The following ESF1 variants were observed in gnomAD, a reference collection of about 807,000 sequenced individuals.
ESF1 encodes ESF1 homolog.
A neutral mutation model predicts 92.0 loss-of-function variants in ESF1; 58 were observed. The observed-to-expected ratio is 0.63, with a 90% CI of 0.51 to 0.78. The LOEUF (loss-of-function observed/expected upper bound fraction) is 0.78. Ranked by LOEUF, ESF1 falls within the 30% of genes least tolerant of loss-of-function variation. ESF1 has a pLI of 0.00. For synonymous variants in ESF1, 321 were observed against 313.7 expected, an observed-to-expected ratio of 1.02 and a Z score of -0.24; for missense variants, 922 against 989.1, an observed-to-expected ratio of 0.93 and a Z score of 0.91.
intron 9 of ESF1, among the ~76,000 whole-genome samples, chr20:13,755,987 G>C (rs1238974476): frequency 6.6e-6 from 1 of 152,034 alleles, no homozygotes; most frequent in South Asian, 2.1e-4. Flanking sequence ...TGAATGATAC[G>C]GTATAATCTC....
chr20:13,748,360 G>A (rs1223000911), intron 9 of ESF1, among the ~76,000 whole-genome samples: 2 of 150,534 alleles, frequency 1.3e-5, no homozygotes, highest in Admixed American at 6.6e-5. Flanking sequence ...TACAGCACAA[G>A]CATCCAATAA....
At chr20:13,735,271 C>T (rs757330955) in intron 9 of ESF1, among the ~76,000 whole-genome samples, 14 of 152,066 alleles carry the variant, frequency 9.2e-5, no homozygotes, top group Non-Finnish European at 1.3e-4. Flanking sequence ...AATTAATCTC[C>T]AAATTTCTAT....
intron 11 of ESF1, among the ~76,000 whole-genome samples, chr20:13,723,098 TC>T (rs2049878942): frequency 6.6e-6 from 1 of 152,220 alleles, no homozygotes; most frequent in African/African-American, 2.4e-5. Flanking sequence ...AAATTTCATT[TC>T]CCATTACTTA....
chr20:13,763,422 A>G (rs1361681611), intron 8 of ESF1, among the ~76,000 whole-genome samples: 1 of 152,240 alleles, frequency 6.6e-6, no homozygotes, highest in African/African-American at 2.4e-5. Context: ...ATGTCATTTT[A>G]AAATTTAGTT....
intron 2 of ESF1, among the ~76,000 whole-genome samples, chr20:13,782,157 C>G (rs541042036): frequency 6.6e-6 from 1 of 152,118 alleles, no homozygotes; most frequent in Non-Finnish European, 1.5e-5. Flanking sequence ...GGATTACAGG[C>G]GTGAGCCACC....
intron 8 of ESF1, among the ~76,000 whole-genome samples, chr20:13,763,504 CT>C (rs1264969574): frequency 5.9e-5 from 9 of 152,192 alleles, no homozygotes; most frequent in Non-Finnish European, 1.2e-4. Flanking sequence ...AAAAAGTTAT[CT>C]TTTTTCCTTT....
intron 6 of ESF1, 44 bp downstream of exon 6, chr20:13,771,287 T>G (rs764374825): frequency 1.6e-5 from 24 of 1,515,368 alleles, no homozygotes; most frequent in Non-Finnish European, 2.2e-5. Flanking sequence ...CTTATAATCA[T>G]GTTGTACTAA....
At chr20:13,769,617 CCCTAGTAAAAATACAAAAATTAG>C (rs1979588369) in intron 7 of ESF1, among the ~76,000 whole-genome samples, 1 of 152,120 alleles carries the variant, frequency 6.6e-6, no homozygotes, top group Non-Finnish European at 1.5e-5. Flanking sequence ...GAAACACTGT[CCCTAGTAAAAATACAAAAATTAG>C]CCAGGTGTAG....
At chr20:13,757,396 T>TTTTG (rs751908922) in intron 9 of ESF1, among the ~76,000 whole-genome samples, 106 of 151,980 alleles carry the variant, frequency 7.0e-4, no homozygotes, top group African/African-American at 1.1e-3. Flanking sequence ...CATTACTATG[T>TTTTG]TTTGTTTGTT....
chr20:13,731,886 T>C (rs2049945793), intron 10 of ESF1, among the ~76,000 whole-genome samples: 1 of 152,246 alleles, frequency 6.6e-6, no homozygotes, highest in South Asian at 2.1e-4. Flanking sequence ...TCTGGATAGC[T>C]GGACACATGG....
At chr20:13,748,517 CACAT>C (rs1331051461) in intron 9 of ESF1, among the ~76,000 whole-genome samples, 2 of 117,724 alleles carry the variant, frequency 1.7e-5, no homozygotes, top group Non-Finnish European at 1.8e-5. Context: ...CATATATATA[CACAT>C]ATATATATAC....
chr20:13,714,767 T>C lies in ESF1; in HGVS notation c.*107A>G. 4.8e-6 allele frequency: 5 copies of C among 1,051,036 alleles called. No individual in the cohort carries two copies. The African/African-American group carries it at 6.4e-5, about 13-fold the overall frequency. 65.1% of individuals were successfully genotyped at this position (1,051,036 alleles called of 1,614,324 possible). A position where few individuals can be genotyped will look rare whatever the true frequency, so the allele number is the denominator to read the frequency against. ...TTTTACTATGTCCAGAAAAAGATTT[T>C]ATTCATGTTCTTGAAAGATAGCTTT... On this transcript the variant is annotated 3_prime_UTR_variant, in exon 14 of 14. Coordinates refer to ENST00000617257, the MANE Select transcript of ESF1 (RefSeq NM_001276380.2).
intron 9 of ESF1, among the ~76,000 whole-genome samples, chr20:13,751,544 T>C (rs1978634033): frequency 1.3e-5 from 2 of 152,234 alleles, no homozygotes; most frequent in East Asian, 1.9e-4. Context: ...CTGATTTACA[T>C]ATTTTAACTG....
chr20:13,771,912 CTT>C (rs5840576), intron 5 of ESF1, among the ~76,000 whole-genome samples: 8,258 of 128,754 alleles, frequency 0.064, 309 homozygotes, highest in South Asian at 0.19. Context: ...ACAACACATT[CTT>C]TTTTTTTTTT....
chr20:13,740,939 G>C (rs1568715079), intron 9 of ESF1, among the ~76,000 whole-genome samples: 1 of 152,094 alleles, frequency 6.6e-6, no homozygotes, highest in Non-Finnish European at 1.5e-5. Context: ...ACGGGGACTG[G>C]CTTGGTGCAT....
intron 9 of ESF1, among the ~76,000 whole-genome samples, chr20:13,742,465 T>C (rs937375879): frequency 4.0e-5 from 6 of 151,702 alleles, no homozygotes; most frequent in African/African-American, 2.4e-5. Context: ...AGTGAGACTC[T>C]GTCTCAAAAA....
At position 13,759,599 on chromosome 20, in the gene ESF1, C is replaced by A. The variant is rs1017242597; in HGVS notation, c.1828+93G>T. On this transcript the variant is annotated intron_variant, in intron 9 of 13. Coordinates refer to ENST00000617257, the MANE Select transcript of ESF1 (RefSeq NM_001276380.2). ...GTGTATGCAAATATGATGTTAAGGT[C>A]CTCACCAAAACATTTCCGGCTCCTT... 19 of 1,485,614 alleles carry A rather than the reference C, an allele frequency of 1.3e-5. No individual in the cohort carries two copies. In the African/African-American group the frequency reaches 2.8e-4, roughly 22 times the overall value. The allele number at this position is 1,485,614 out of a possible 1,614,324, so 92.0% of individuals were successfully genotyped here. A position where few individuals can be genotyped will look rare whatever the true frequency, so the allele number is the denominator to read the frequency against.
At chr20:13,751,446 T>C (rs1978630114) in intron 9 of ESF1, among the ~76,000 whole-genome samples, 1 of 152,172 alleles carries the variant, frequency 6.6e-6, no homozygotes. Context: ...ATTAACAGTA[T>C]AGTCTAGAAA....
At chr20:13,758,671 C>T (rs1002000994) in intron 9 of ESF1, among the ~76,000 whole-genome samples, 3 of 152,336 alleles carry the variant, frequency 2.0e-5, no homozygotes, top group African/African-American at 7.2e-5. Flanking sequence ...CTGGTTAGTA[C>T]TCTTTCTCCT....
Sources: gnomAD v4.1 joint callset for allele counts (sites outside exome capture counted in the v4.1 genomes callset) on GRCh38, gnomAD v4.1.1 for gene constraint, MANE v1.5 for transcripts, NCBI Gene and HGNC (gene_info 2026-07-23, HGNC 2026-07-21) for gene names.